The following APBB2 variants were observed in gnomAD, a reference collection of about 807,000 sequenced individuals.
APBB2 encodes the protein amyloid beta precursor protein binding family B member 2, also known as Fe65-like 1.
In APBB2, 38 loss-of-function variants were observed where a neutral mutation model predicts 82.5. That is an observed-to-expected ratio of 0.46 (90% confidence interval 0.36 to 0.60). APBB2 has a LOEUF of 0.60. Ranked by LOEUF, APBB2 falls within the 20% of genes least tolerant of loss-of-function variation. APBB2 has a pLI of 0.00. For missense variants in APBB2, 772 were observed against 972.3 expected (o/e 0.79, Z 2.74); for synonymous variants, 341 against 368.2 (o/e 0.93, Z 0.85).
intron 1 of APBB2, among the ~76,000 whole-genome samples, chr4:41,175,881 C>T (rs977036188): frequency 6.6e-6 from 1 of 152,144 alleles, no homozygotes; most frequent in African/African-American, 2.4e-5. Context: ...TTTTAAAGTT[C>T]TTACTTTAAA....
At chr4:41,201,181 C>T (rs921245928) in intron 1 of APBB2, among the ~76,000 whole-genome samples, 1 of 151,872 alleles carries the variant, frequency 6.6e-6, no homozygotes, top group Non-Finnish European at 1.5e-5. Context: ...AAGGAGGTAA[C>T]TTGTTTAGGG....
At position 40,897,788 on chromosome 4, in the gene APBB2, T is replaced by G. The variant is rs564720281; in HGVS notation, c.1255-4377A>C. 2.0e-4 allele frequency among the ~76,000 whole-genome samples: 31 copies of G among 152,222 alleles called. 2 individuals carry two copies. Among genetic ancestry groups the G allele is most frequent in the African/African-American group, 6.7e-4 (28 of 41,554 alleles). Reference sequence around the variant, plus strand: ...CCTGCAATGTTTGGTGCTGCCCCCGTGTGGCCAGGAAGGTTCATAACCACC... The same window carrying G: ...CCTGCAATGTTTGGTGCTGCCCCCGGGTGGCCAGGAAGGTTCATAACCACC... On this transcript the variant is annotated intron_variant, in intron 10 of 17. Transcript: ENST00000508593.
At chr4:41,089,428 G>GT (rs920065277) in intron 3 of APBB2, among the ~76,000 whole-genome samples, 4 of 152,004 alleles carry the variant, frequency 2.6e-5, no homozygotes, top group African/African-American at 7.3e-5. Context: ...TTGGACTTCG[G>GT]TTTTTTTAGG....
intron 10 of APBB2, among the ~76,000 whole-genome samples, chr4:40,921,699 C>T (rs1468604797): frequency 1.3e-5 from 2 of 152,220 alleles, no homozygotes; most frequent in African/African-American, 2.4e-5. Flanking sequence ...TCTACAAATA[C>T]GCTCTAGGTT....
In APBB2 at chr4:41,009,157, G is replaced by A. The variant is rs79719882; in HGVS notation, c.835+4426C>T. ...GATTAACAGAGAGACTATATACAGTGTGACCAACAGGTATTTATTTATCTG... is the reference window on the plus strand; with the variant it reads ...GATTAACAGAGAGACTATATACAGTATGACCAACAGGTATTTATTTATCTG... On this transcript the variant is annotated intron_variant, in intron 6 of 17. Coordinates refer to ENST00000508593, the MANE Select transcript of APBB2 (RefSeq NM_004307.2). Among the ~76,000 whole-genome samples the A allele has an allele frequency of 8.3e-3, 1,264 of 152,018 alleles. 23 individuals are homozygous for A. Among genetic ancestry groups the A allele is most frequent in the African/African-American group, 0.028 (1,146 of 41,310 alleles).
Position 40,821,863 on chromosome 4 carries a change from T to C in APBB2, c.2112+8A>G. On this transcript the variant is annotated splice_region_variant and intron_variant, in intron 17 of 17. Transcript: ENST00000508593. ...GAGGGCTCAACAGCCTGTACCGGGA[T>C]AACTCACCATGCAGGCGGCCTGCAC... 1.2e-6 allele frequency: 2 copies of C among 1,612,260 alleles called. No homozygotes were observed. Among genetic ancestry groups the C allele is most frequent in the African/African-American group, 1.3e-5 (1 of 75,004 alleles).
At chr4:40,983,999 C>T (rs13143389) in intron 6 of APBB2, among the ~76,000 whole-genome samples, 134,450 of 152,254 alleles carry the variant, frequency 0.88, 59,529 homozygotes, top group African/African-American at 0.91. Context: ...GAGAATCCAT[C>T]GTCAGCAACC....
intron 10 of APBB2, among the ~76,000 whole-genome samples, chr4:40,897,879 T>C (rs1236347490): frequency 1.3e-5 from 2 of 152,200 alleles, no homozygotes; most frequent in African/African-American, 2.4e-5. Context: ...AATGCTCATC[T>C]TGGAGCATGG....
chr4:41,133,186 C>T lies in APBB2; in HGVS notation c.-261+9801G>A, dbSNP rs1416100545. ...TATCTTATAAATCTTTCCAAAGGAG[C>T]ACATATACAGAACTACTTCATTCTT... On this transcript the variant is annotated intron_variant, in intron 2 of 17. Coordinates refer to ENST00000508593, the MANE Select transcript of APBB2 (RefSeq NM_004307.2). Among the ~76,000 whole-genome samples the T allele has an allele frequency of 2.0e-5, 3 of 152,006 alleles. No homozygotes were observed. In the East Asian group the frequency reaches 5.8e-4, roughly 29 times the overall value.
At chr4:40,920,471 A>AGTG (rs1434054043) in intron 10 of APBB2, among the ~76,000 whole-genome samples, 13 of 152,210 alleles carry the variant, frequency 8.5e-5, no homozygotes, top group Admixed American at 8.5e-4. Context: ...TCCATCTTTA[A>AGTG]AACAGTTACA....
At chr4:41,177,173 G>A (rs1443942141) in intron 1 of APBB2, among the ~76,000 whole-genome samples, 1 of 152,194 alleles carries the variant, frequency 6.6e-6, no homozygotes, top group Non-Finnish European at 1.5e-5. Context: ...ACACACCACA[G>A]ATGCTATCTG....
At chr4:40,968,202 A>G (rs908215444) in intron 6 of APBB2, among the ~76,000 whole-genome samples, 2 of 152,198 alleles carry the variant, frequency 1.3e-5, no homozygotes, top group East Asian at 3.9e-4. Flanking sequence ...ACGGTCCCAG[A>G]GCTAGTAACA....
At chr4:40,923,398 G>A (rs1326153413) in intron 10 of APBB2, among the ~76,000 whole-genome samples, 1 of 152,232 alleles carries the variant, frequency 6.6e-6, no homozygotes, top group South Asian at 2.1e-4. Context: ...AGACGTGCTG[G>A]CTCTTTTCCA....
intron 6 of APBB2, among the ~76,000 whole-genome samples, chr4:40,989,856 T>TAA (rs1415210739): frequency 2.6e-5 from 4 of 152,226 alleles, no homozygotes; most frequent in Non-Finnish European, 4.4e-5. Flanking sequence ...GGCAGCAAGA[T>TAA]AACAATCACT....
intron 3 of APBB2, among the ~76,000 whole-genome samples, chr4:41,073,956 A>G (rs906924064): frequency 3.9e-5 from 6 of 152,184 alleles, no homozygotes; most frequent in African/African-American, 1.4e-4. Flanking sequence ...TCATCAATTA[A>G]GCAGTCAATC....
intron 7 of APBB2, among the ~76,000 whole-genome samples, chr4:40,940,680 G>A (rs762548245): frequency 6.6e-6 from 1 of 152,186 alleles, no homozygotes; most frequent in Non-Finnish European, 1.5e-5. Flanking sequence ...GGCTGATTTA[G>A]GACCAAGAGG....
intron 6 of APBB2, among the ~76,000 whole-genome samples, chr4:41,000,972 C>T (rs1269686247): frequency 6.6e-6 from 1 of 152,322 alleles, no homozygotes; most frequent in East Asian, 1.9e-4. Context: ...AGAGCACAGG[C>T]TGTGGAATAG....
chr4:40,974,438 G>A (rs1328796524), intron 6 of APBB2, among the ~76,000 whole-genome samples: 1 of 152,196 alleles, frequency 6.6e-6, no homozygotes, highest in Non-Finnish European at 1.5e-5. Flanking sequence ...AGCAATACAT[G>A]TGTGCTCAAA....
chr4:40,966,572 G>A (rs1305675881), intron 6 of APBB2, among the ~76,000 whole-genome samples: 2 of 152,200 alleles, frequency 1.3e-5, no homozygotes, highest in Non-Finnish European at 2.9e-5. Context: ...AGGCTCAGAA[G>A]TGCCTGTTCC....
Sources: gnomAD v4.1 joint callset for allele counts (sites outside exome capture counted in the v4.1 genomes callset) on GRCh38, gnomAD v4.1.1 for gene constraint, MANE v1.5 for transcripts, NCBI Gene and HGNC (gene_info 2026-07-23, HGNC 2026-07-21) for gene names.